The following TRPC1 variants were observed in gnomAD, a reference collection of about 807,000 sequenced individuals.
TRPC1 encodes the protein short transient receptor potential channel 1.
In TRPC1, 42 loss-of-function variants were observed where a neutral mutation model predicts 88.2. The ratio of observed to expected loss-of-function variants is 0.48; its 90% CI spans 0.37 to 0.62. The LOEUF is 0.62. Among genes scored for constraint, TRPC1 ranks in the 20% least tolerant of loss-of-function variants. The pLI is 0.00. For synonymous variants in TRPC1, 288 were observed against 331.8 expected (o/e 0.87, Z 1.43); for missense variants, 699 against 957.3 (o/e 0.73, Z 3.56).
At chr3:142,758,952 T>G (rs1935082941) in intron 4 of TRPC1, among the ~76,000 whole-genome samples, 2 of 152,064 alleles carry the variant, frequency 1.3e-5, no homozygotes, top group Non-Finnish European at 2.9e-5. Flanking sequence ...TGCGATAGTT[T>G]GCTCAGAATG....
chr3:142,757,775 A>G (rs1935029458), intron 4 of TRPC1, among the ~76,000 whole-genome samples: 1 of 152,268 alleles, frequency 6.6e-6, no homozygotes, highest in African/African-American at 2.4e-5. Flanking sequence ...ACAAATCTGC[A>G]CGTTCTGCAC....
chr3:142,725,701 A>T (rs912980032), intron 1 of TRPC1, among the ~76,000 whole-genome samples: 5 of 152,204 alleles, frequency 3.3e-5, no homozygotes, highest in Non-Finnish European at 7.3e-5. Context: ...TCTGTTAGAA[A>T]CATGCAAACT....
intron 4 of TRPC1, among the ~76,000 whole-genome samples, chr3:142,757,959 G>C (rs1444263736): frequency 6.6e-6 from 1 of 152,012 alleles, no homozygotes; most frequent in Non-Finnish European, 1.5e-5. Context: ...CCTTTGTGTT[G>C]CAAACAATCC....
intron 5 of TRPC1, among the ~76,000 whole-genome samples, chr3:142,780,475 A>T (rs1342547514): frequency 6.6e-6 from 1 of 152,224 alleles, no homozygotes; most frequent in African/African-American, 2.4e-5. Context: ...AAGGTGAGTA[A>T]TATAAAAGGA....
At chr3:142,796,020 A>C (rs1437062827) in intron 9 of TRPC1, among the ~76,000 whole-genome samples, 1 of 152,142 alleles carries the variant, frequency 6.6e-6, no homozygotes, top group Non-Finnish European at 1.5e-5. Flanking sequence ...TTGGGCCCTT[A>C]CTATGTGCCA....
At chr3:142,763,473 A>C (rs1320581233) in intron 4 of TRPC1, among the ~76,000 whole-genome samples, 2 of 151,858 alleles carry the variant, frequency 1.3e-5, no homozygotes, top group East Asian at 3.9e-4. Flanking sequence ...TTTGATTTGT[A>C]GTCTATTTTA....
Position 142,791,068 on chromosome 3 carries a change from CTT to C in TRPC1, c.1351_1352del (p.Leu451ArgfsTer5). The C allele has an allele frequency of 6.2e-7, 1 of 1,610,288 alleles. No homozygotes were observed. The highest frequency in any genetic ancestry group is 8.5e-7 in the Non-Finnish European group (1 of 1,178,412). ...KRLWYEGLED[F>X]LEESRNQLSF... Reference sequence around the variant, plus strand: ...GACTCTGGTATGAAGGGTTGGAAGACTTTTTAGAAGAATCTCGTAATCAACTC... The same window carrying C: ...GACTCTGGTATGAAGGGTTGGAAGACTTTAGAAGAATCTCGTAATCAACTC... On this transcript the variant is annotated frameshift_variant, in exon 8 of 13. Coordinates refer to ENST00000476941, the MANE Select transcript of TRPC1 (RefSeq NM_001251845.2). LOFTEE classifies it high-confidence loss of function.
At position 142,806,540 on chromosome 3, in the gene TRPC1, G is replaced by GTT. The variant is rs1432677540; in HGVS notation, c.*306_*307dup. Reference sequence around the variant, plus strand: ...TTTTTTTTTATGTTTAAGAGGGGCAGTTATAAATGGACACATTGCCCAGAA... The same window carrying GTT: ...TTTTTTTTTATGTTTAAGAGGGGCAGTTTTATAAATGGACACATTGCCCAGAA... On this transcript the variant is annotated 3_prime_UTR_variant, in exon 13 of 13. Coordinates refer to ENST00000476941, the MANE Select transcript of TRPC1 (RefSeq NM_001251845.2). The GTT allele has an allele frequency of 5.2e-6, 1 of 191,022 alleles. No homozygotes were observed. Among genetic ancestry groups the GTT allele is most frequent in the Non-Finnish European group, 1.1e-5 (1 of 91,664 alleles). 11.8% of individuals were successfully genotyped at this position (191,022 alleles called of 1,614,324 possible). A position where few individuals can be genotyped will look rare whatever the true frequency, so the allele number is the denominator to read the frequency against.
chr3:142,782,153 C>T (rs972005389), intron 6 of TRPC1, among the ~76,000 whole-genome samples: 1 of 152,030 alleles, frequency 6.6e-6, no homozygotes, highest in Non-Finnish European at 1.5e-5. Flanking sequence ...GCGTAAAGAA[C>T]TAAAATTATC....
intron 4 of TRPC1, among the ~76,000 whole-genome samples, chr3:142,775,887 G>A (rs757079715): frequency 5.3e-5 from 8 of 152,126 alleles, no homozygotes; most frequent in Non-Finnish European, 1.0e-4. Flanking sequence ...TAATGAAGCT[G>A]ATGGAGAAAA....
chr3:142,798,328 G>A (rs1936513767), intron 9 of TRPC1, among the ~76,000 whole-genome samples: 1 of 152,158 alleles, frequency 6.6e-6, no homozygotes, highest in Admixed American at 6.6e-5. Flanking sequence ...ACTGGGCTCT[G>A]GAGCTTACTA....
chr3:142,738,960 T>TA (rs1197870422), intron 2 of TRPC1, among the ~76,000 whole-genome samples: 1 of 152,058 alleles, frequency 6.6e-6, no homozygotes, highest in Non-Finnish European at 1.5e-5. Context: ...AGGGATGAGT[T>TA]AGATATTATT....
intron 12 of TRPC1, among the ~76,000 whole-genome samples, chr3:142,805,030 G>A (rs925342154): frequency 2.6e-5 from 4 of 151,970 alleles, no homozygotes; most frequent in African/African-American, 9.7e-5. Flanking sequence ...GAACCCAGGA[G>A]GTGGAGGTTG....
At chr3:142,769,619 GATTT>G (rs1215633362) in intron 4 of TRPC1, among the ~76,000 whole-genome samples, 1 of 151,924 alleles carries the variant, frequency 6.6e-6, no homozygotes. Context: ...TTTTCCTTCT[GATTT>G]ATTAAACCCA....
At chr3:142,728,843 A>C (rs112311471) in intron 1 of TRPC1, among the ~76,000 whole-genome samples, 32 of 152,228 alleles carry the variant, frequency 2.1e-4, no homozygotes, top group African/African-American at 7.5e-4. Context: ...GGTATTAGAG[A>C]GGATGGTGGT....
Position 142,790,350 on chromosome 3 carries a change from G to C in TRPC1, c.1298-669G>C, listed in dbSNP as rs184975098. On this transcript the variant is annotated intron_variant, in intron 7 of 12. Transcript: ENST00000476941. The stretch of plus-strand genomic sequence containing the variant: ...CATTGTAAAGACTGGTTTTGATTCT[G>C]AGTAAAATGGGATTTAAGGGAGGGT... Among the ~76,000 whole-genome samples the C allele has an allele frequency of 1.9e-3, 282 of 152,242 alleles. 1 individual carries two copies. Among genetic ancestry groups the C allele is most frequent in the Non-Finnish European group, 3.5e-3 (240 of 67,998 alleles).
At chr3:142,739,861 G>A (rs1249460716) in intron 2 of TRPC1, among the ~76,000 whole-genome samples, 5 of 152,004 alleles carry the variant, frequency 3.3e-5, no homozygotes, top group African/African-American at 1.2e-4. Flanking sequence ...TGAGAAGAAG[G>A]GGGAAAAGGC....
intron 4 of TRPC1, among the ~76,000 whole-genome samples, chr3:142,765,281 C>G (rs528667562): frequency 1.3e-5 from 2 of 152,254 alleles, no homozygotes; most frequent in African/African-American, 2.4e-5. Context: ...CTATTCTCGT[C>G]AAACTACCAA....
rs1281866189 is a variant in TRPC1, at chr3:142,724,521, C to T, written c.-39C>T. 6.8e-7 allele frequency: 1 copy of T among 1,479,784 alleles called. No homozygotes were observed. Among genetic ancestry groups the T allele is most frequent in the Non-Finnish European group, 8.9e-7 (1 of 1,121,902 alleles). 91.7% of individuals were successfully genotyped at this position (1,479,784 alleles called of 1,614,324 possible). A position where few individuals can be genotyped will look rare whatever the true frequency, so the allele number is the denominator to read the frequency against. On this transcript the variant is annotated 5_prime_UTR_variant, in exon 1 of 13. Coordinates refer to ENST00000476941, the MANE Select transcript of TRPC1 (RefSeq NM_001251845.2). The surrounding 1 kb of genome is among the most constrained non-coding windows in gnomAD (Gnocchi z 5.6). ...GTCGGGGTCGGGGCCGGTGGGGGCC[C>T]CGCCCCCGTCTCCTGGCCTGCCCCC...
Sources: allele counts gnomAD v4.1 joint callset (sites outside exome capture counted in the v4.1 genomes callset), GRCh38; gene constraint gnomAD v4.1.1; non-coding constraint Gnocchi (gnomAD v3.1); transcripts MANE v1.5; gene names NCBI Gene and HGNC (gene_info 2026-07-23, HGNC 2026-07-21).